PITPNC1: variants seen among roughly 807,000 people sequenced by gnomAD.
PITPNC1 encodes the protein phosphatidylinositol transfer protein cytoplasmic 1.
PITPNC1 carries 18 observed loss-of-function variants against 44.7 expected under a neutral mutation model. The observed-to-expected ratio is 0.40, with a 90% CI of 0.28 to 0.60. PITPNC1 has a LOEUF of 0.60. Among genes scored for constraint, PITPNC1 ranks in the 20% least tolerant of loss-of-function variants. The pLI is 0.39. For synonymous variants in PITPNC1, 141 were observed against 149.6 expected, an observed-to-expected ratio of 0.94 and a Z score of 0.42; for missense variants, 290 against 418.4, an observed-to-expected ratio of 0.69 and a Z score of 2.68.
At chr17:67,608,114 G>A (rs999970392) in intron 5 of PITPNC1, among the ~76,000 whole-genome samples, 1 of 151,882 alleles carries the variant, frequency 6.6e-6, no homozygotes, top group Non-Finnish European at 1.5e-5. Context: ...TTAGGTTCTG[G>A]AAGCTTAACA....
At chr17:67,530,786 G>A (rs1479202653) in intron 1 of PITPNC1, among the ~76,000 whole-genome samples, 1 of 152,190 alleles carries the variant, frequency 6.6e-6, no homozygotes, top group Non-Finnish European at 1.5e-5. Flanking sequence ...TCTGTATAAG[G>A]TGGCATATTG....
intron 6 of PITPNC1, chr17:67,637,907 C>T (rs944103999): frequency 1.3e-5 from 2 of 152,100 alleles, no homozygotes; most frequent in Non-Finnish European, 2.9e-5. Flanking sequence ...TTTTTTCAGG[C>T]AGAGAGAGCC....
chr17:67,416,193 A>G (rs1381180912), intron 1 of PITPNC1, among the ~76,000 whole-genome samples: 1 of 119,572 alleles, frequency 8.4e-6, no homozygotes, highest in Non-Finnish European at 1.8e-5. Flanking sequence ...TTCCTTGTTT[A>G]CATGTATTGC....
intron 1 of PITPNC1, among the ~76,000 whole-genome samples, chr17:67,518,961 A>G (rs1162019160): frequency 6.6e-6 from 1 of 152,166 alleles, no homozygotes; most frequent in African/African-American, 2.4e-5. Flanking sequence ...TTTTAAATGT[A>G]AAACAAGTGT....
chr17:67,579,983 G>A (rs1159739635), intron 5 of PITPNC1, among the ~76,000 whole-genome samples: 5 of 151,738 alleles, frequency 3.3e-5, no homozygotes, highest in Admixed American at 3.3e-4. Context: ...CTTGGAGAAT[G>A]CAAAAAGAAA....
intron 5 of PITPNC1, among the ~76,000 whole-genome samples, chr17:67,582,689 C>T (rs1468153361): frequency 6.6e-6 from 1 of 152,006 alleles, no homozygotes; most frequent in Non-Finnish European, 1.5e-5. Flanking sequence ...TTACATTAAC[C>T]AGGATGCAAT....
chr17:67,479,640 G>A (rs552055442), intron 1 of PITPNC1, among the ~76,000 whole-genome samples: 3 of 151,772 alleles, frequency 2.0e-5, no homozygotes, highest in Non-Finnish European at 4.4e-5. Context: ...GCTTGAAACA[G>A]ACCAAATCAA....
chr17:67,595,125 A>C (rs1431585620), intron 5 of PITPNC1, among the ~76,000 whole-genome samples: 1 of 152,326 alleles, frequency 6.6e-6, no homozygotes, highest in African/African-American at 2.4e-5. Flanking sequence ...GGATATTGAG[A>C]TGTACATCAT....
intron 1 of PITPNC1, among the ~76,000 whole-genome samples, chr17:67,439,856 G>A (rs2038987590): frequency 1.3e-5 from 2 of 152,016 alleles, no homozygotes; most frequent in Admixed American, 6.6e-5. Context: ...TATATAGTAT[G>A]TATCTCAGCC....
chr17:67,463,158 C>A (rs2039368556), intron 1 of PITPNC1, among the ~76,000 whole-genome samples: 1 of 142,556 alleles, frequency 7.0e-6, no homozygotes, highest in South Asian at 2.2e-4. Flanking sequence ...ATTTTTCAAA[C>A]CACAAACATC....
Position 67,694,118 on chromosome 17 carries a change from G to A in PITPNC1, c.*1230G>A, listed in dbSNP as rs1410451648. On this transcript the variant is annotated 3_prime_UTR_variant, in exon 9 of 9. Coordinates refer to ENST00000581322, the MANE Select transcript of PITPNC1 (RefSeq NM_012417.4). ...CTTTCTTCAACTAGTGGTAATGCAAGATTAGAATCAAGGTTGACAGGAGGC... is the reference window on the plus strand; with the variant it reads ...CTTTCTTCAACTAGTGGTAATGCAAAATTAGAATCAAGGTTGACAGGAGGC... The A allele has an allele frequency of 6.6e-6, 1 of 152,218 alleles. No individual in the cohort carries two copies. Among genetic ancestry groups the A allele is most frequent in the African/African-American group, 2.4e-5 (1 of 41,448 alleles). 9.4% of individuals were successfully genotyped at this position (152,218 alleles called of 1,614,324 possible).
At chr17:67,599,338 G>T (rs1447622601) in intron 5 of PITPNC1, among the ~76,000 whole-genome samples, 1 of 151,922 alleles carries the variant, frequency 6.6e-6, no homozygotes, top group African/African-American at 2.4e-5. Flanking sequence ...CCAAAGCCGA[G>T]ACCTAGAGAT....
At chr17:67,413,210 G>A (rs911549085) in intron 1 of PITPNC1, among the ~76,000 whole-genome samples, 4 of 152,254 alleles carry the variant, frequency 2.6e-5, no homozygotes, top group African/African-American at 2.4e-5. Context: ...TGATTCAGTC[G>A]TTCTGAGGAT....
chr17:67,546,066 G>A (rs906650703), intron 2 of PITPNC1, among the ~76,000 whole-genome samples: 3 of 151,798 alleles, frequency 2.0e-5, no homozygotes, highest in Admixed American at 6.6e-5. Flanking sequence ...GGTGTCCCGC[G>A]CCTGTAGTCC....
At position 67,641,719 on chromosome 17, in the gene PITPNC1, C is replaced by G. The variant is rs777237514; in HGVS notation, c.462+9481C>G. Among the ~76,000 whole-genome samples the G allele has an allele frequency of 1.5e-4, 22 of 151,504 alleles. 1 individual carries two copies. The Middle Eastern group carries it at 0.014, about 94-fold the overall frequency. ...GACTGAGGGAAGAGGATCACTTGAG[C>G]CCAGGAGTCGGAGGCTGCTGCAGTG... On this transcript the variant is annotated intron_variant, in intron 6 of 8. Coordinates refer to ENST00000581322, the MANE Select transcript of PITPNC1 (RefSeq NM_012417.4).
At chr17:67,440,003 G>A (rs1682022424) in intron 1 of PITPNC1, among the ~76,000 whole-genome samples, 1 of 152,172 alleles carries the variant, frequency 6.6e-6, no homozygotes, top group African/African-American at 2.4e-5. Flanking sequence ...GTAGGCAGGA[G>A]GAAGATGAAA....
intron 5 of PITPNC1, among the ~76,000 whole-genome samples, chr17:67,618,017 A>G (rs769005911): frequency 2.6e-5 from 4 of 152,184 alleles, no homozygotes; most frequent in Non-Finnish European, 4.4e-5. Context: ...AGGAGAATCA[A>G]TATATACCAT....
At chr17:67,684,636 A>T (rs2042780226) in intron 8 of PITPNC1, among the ~76,000 whole-genome samples, 1 of 152,116 alleles carries the variant, frequency 6.6e-6, no homozygotes, top group Admixed American at 6.6e-5. Context: ...TTCATATGCT[A>T]TATACAGTTC....
intron 1 of PITPNC1, among the ~76,000 whole-genome samples, chr17:67,449,692 G>A (rs1365333037): frequency 3.3e-5 from 5 of 152,088 alleles, no homozygotes; most frequent in Non-Finnish European, 7.3e-5. Context: ...GTTTTGGGGT[G>A]GAGAAAAAGG....
Sources: allele counts gnomAD v4.1 joint callset (sites outside exome capture counted in the v4.1 genomes callset), GRCh38; gene constraint gnomAD v4.1.1; transcripts MANE v1.5; gene names NCBI Gene and HGNC (gene_info 2026-07-23, HGNC 2026-07-21).